Variants in TM4SF18 observed in about 807,000 individuals in gnomAD.
The protein encoded by TM4SF18 is transmembrane 4 L six family member 18, also known as transmembrane 4 L6 family member 18.
In TM4SF18, 22 loss-of-function variants were observed where a neutral mutation model predicts 23.8. The observed-to-expected ratio is 0.92, with a 90% CI of 0.66 to 1.32. The LOEUF is 1.32. Ranked by LOEUF, TM4SF18 falls within the 40% of genes most tolerant of loss-of-function variation. The pLI is 0.00. For missense variants in TM4SF18, 255 were observed against 240.3 expected (o/e 1.06, Z -0.41); for synonymous variants, 87 against 87.9 (o/e 0.99, Z 0.06).
At chr3:149,331,838 A>G (rs1731092918) in intron 2 of TM4SF18, among the ~76,000 whole-genome samples, 1 of 152,230 alleles carries the variant, frequency 6.6e-6, no homozygotes, top group Admixed American at 6.5e-5. Context: ...CTTTTCACTT[A>G]ACATGAAATA....
intron 3 of TM4SF18, among the ~76,000 whole-genome samples, chr3:149,328,106 C>T (rs1730996584): frequency 6.6e-6 from 1 of 152,150 alleles, no homozygotes; most frequent in Admixed American, 6.5e-5. Flanking sequence ...GAAAACCAGA[C>T]TCCATGCAGG....
chr3:149,332,773 C>T (rs1435487203), intron 2 of TM4SF18, among the ~76,000 whole-genome samples: 2 of 152,160 alleles, frequency 1.3e-5, no homozygotes, highest in East Asian at 3.8e-4. Context: ...CTTAGATTTA[C>T]ATGCAGGTTT....
intron 2 of TM4SF18, among the ~76,000 whole-genome samples, chr3:149,331,492 C>A (rs186609040): frequency 6.6e-6 from 1 of 152,228 alleles, no homozygotes; most frequent in African/African-American, 2.4e-5. Context: ...TTAGTTATGT[C>A]TTGCAACTCT....
At chr3:149,328,847 G>T (rs1731014366) in intron 3 of TM4SF18, among the ~76,000 whole-genome samples, 1 of 152,118 alleles carries the variant, frequency 6.6e-6, no homozygotes, top group Admixed American at 6.6e-5. Flanking sequence ...GGAACCCGGA[G>T]AATCCTCTCT....
chr3:149,322,464 A>C, intron 4 of TM4SF18, 28 bp from the exon 5 acceptor site: 1 of 1,594,998 alleles, frequency 6.3e-7, no homozygotes, highest in Non-Finnish European at 8.6e-7. Context: ...CCAAATCTAC[A>C]TACTGGGTCC....
intron 3 of TM4SF18, among the ~76,000 whole-genome samples, chr3:149,329,423 A>G (rs1371295199): frequency 6.6e-6 from 1 of 152,124 alleles, no homozygotes; most frequent in African/African-American, 2.4e-5. Context: ...TGTTGTTCCA[A>G]GCTCCCAGGT....
At chr3:149,333,470 C>T (rs1024323857) in intron 1 of TM4SF18, 43 bp downstream of exon 1, 41 of 490,110 alleles carry the variant, frequency 8.4e-5, no homozygotes, top group Middle Eastern at 4.6e-4. Flanking sequence ...CCTTTTTTTT[C>T]TCTCTCTCTC....
At chr3:149,327,236 C>T (rs768875850) in intron 3 of TM4SF18, among the ~76,000 whole-genome samples, 23 of 152,190 alleles carry the variant, frequency 1.5e-4, no homozygotes, top group Non-Finnish European at 3.1e-4. Flanking sequence ...AGGCATGAGC[C>T]GCTGTGTCCG....
chr3:149,329,281 G>T (rs1340431843), intron 3 of TM4SF18, among the ~76,000 whole-genome samples: 1 of 151,956 alleles, frequency 6.6e-6, no homozygotes, highest in East Asian at 1.9e-4. Context: ...AAAGACATTG[G>T]TCAAAGAAAA....
chr3:149,318,579 A>G lies in TM4SF18; in HGVS notation c.*2899T>C, dbSNP rs1217312153. On this transcript the variant is annotated 3_prime_UTR_variant, in exon 6 of 6. Coordinates refer to ENST00000296059, the MANE Select transcript of TM4SF18 (RefSeq NM_138786.4). ...AAAGGGAAATTTGAAAATACTGAAC[A>G]ATGTAAAGAAAAGAGATAGAACTTA... is the stretch of plus-strand genomic sequence containing the variant. 1 of 152,228 alleles carries G rather than the reference A, an allele frequency of 6.6e-6. No individual in the cohort carries two copies. The highest frequency in any genetic ancestry group is 1.5e-5 in the Non-Finnish European group (1 of 68,040). The allele number at this position is 152,228 out of a possible 1,614,324, so 9.4% of individuals were successfully genotyped here. A position where few individuals can be genotyped will look rare whatever the true frequency, so the allele number is the denominator to read the frequency against.
chr3:149,324,853 T>G, intron 4 of TM4SF18, 27 bp downstream of exon 4: 1 of 1,612,788 alleles, frequency 6.2e-7, no homozygotes. Context: ...TTTTCCGACC[T>G]CCTTGGTTTG....
Position 149,321,310 on chromosome 3 carries a change from A to G in TM4SF18, c.*168T>C, listed in dbSNP as rs1288846647. Reference sequence around the variant, plus strand: ...GCATATTACTTAAAAAACATACTAAATGGAAGGGTGGTATACTTGCATGTG... The same window carrying G: ...GCATATTACTTAAAAAACATACTAAGTGGAAGGGTGGTATACTTGCATGTG... On this transcript the variant is annotated 3_prime_UTR_variant, in exon 6 of 6. Transcript: ENST00000296059. 2 of 451,428 alleles carry G rather than the reference A, an allele frequency of 4.4e-6. No individual in the cohort carries two copies. Among genetic ancestry groups the G allele is most frequent in the Non-Finnish European group, 8.1e-6 (2 of 245,780 alleles). 28.0% of individuals were successfully genotyped at this position (451,428 alleles called of 1,614,324 possible).
intron 3 of TM4SF18, among the ~76,000 whole-genome samples, chr3:149,326,229 G>A (rs1553771717): frequency 6.6e-6 from 1 of 151,924 alleles, no homozygotes; most frequent in Admixed American, 6.6e-5. Context: ...CTGCCTTTTT[G>A]TTTTTTGGGG....
At chr3:149,323,521 C>T (rs934399619) in intron 4 of TM4SF18, among the ~76,000 whole-genome samples, 4 of 152,262 alleles carry the variant, frequency 2.6e-5, no homozygotes, top group East Asian at 1.9e-4. Context: ...TGGCTGGAGC[C>T]GCGGCAGAGA....
intron 4 of TM4SF18, 29 bp from the exon 5 acceptor site, chr3:149,322,465 T>G (rs1730830463): frequency 6.3e-7 from 1 of 1,593,398 alleles, no homozygotes. Context: ...CAAATCTACA[T>G]ACTGGGTCCA....
intron 3 of TM4SF18, among the ~76,000 whole-genome samples, chr3:149,326,104 A>C (rs1449259505): frequency 6.6e-6 from 1 of 152,226 alleles, no homozygotes; most frequent in Non-Finnish European, 1.5e-5. Flanking sequence ...ACACCTCCTA[A>C]GAATAAAAAC....
rs1469731234 is a variant in TM4SF18 at position 149,333,388 on chromosome 3, C to T, written c.-6G>A. On this transcript the variant is annotated 5_prime_UTR_variant, in exon 2 of 6. Coordinates refer to ENST00000296059, the MANE Select transcript of TM4SF18 (RefSeq NM_138786.4). ...CCACACTTCCGAGACCCCATTTTGC[C>T]CTGCTTAGAACCTGCGGGAGATTTC... 3 of 1,608,988 alleles carry T rather than the reference C, an allele frequency of 1.9e-6. No homozygotes were observed. The highest frequency in any genetic ancestry group is 2.2e-5 in the East Asian group (1 of 44,732).
intron 2 of TM4SF18, 51 bp downstream of exon 2, chr3:149,333,155 G>T (rs377301004): frequency 1.1e-5 from 16 of 1,489,146 alleles, no homozygotes; most frequent in Non-Finnish European, 1.5e-5. Flanking sequence ...TACAAGGTAA[G>T]TCTCAATTAC....
Position 149,322,972 on chromosome 3 carries a change from C to T in TM4SF18, c.411-536G>A, listed in dbSNP as rs372248920. ...AGGCTGGAGTGCAGTGGCGCATCTT[C>T]GCTCACTGCAAGCTCCGCCTCCCTG... On this transcript the variant is annotated intron_variant, in intron 4 of 5. Transcript: ENST00000296059. Among the ~76,000 whole-genome samples, 709 of 149,426 alleles carry T rather than the reference C, an allele frequency of 4.7e-3. 9 individuals carry two copies. Among genetic ancestry groups the T allele is most frequent in the Non-Finnish European group, 7.7e-3 (522 of 67,490 alleles).
Sources: allele counts gnomAD v4.1 joint callset (sites outside exome capture counted in the v4.1 genomes callset), GRCh38; gene constraint gnomAD v4.1.1; transcripts MANE v1.5; gene names NCBI Gene and HGNC (gene_info 2026-07-23, HGNC 2026-07-21).